Variants in MYO1E observed in about 807,000 individuals in gnomAD.
MYO1E encodes the protein unconventional myosin-Ie.
A neutral mutation model predicts 151.1 loss-of-function variants in MYO1E; 68 were observed. That is an observed-to-expected ratio of 0.45 (90% CI 0.37 to 0.55). The LOEUF (loss-of-function observed/expected upper bound fraction) is 0.55. Ranked by LOEUF, MYO1E falls within the 20% of genes least tolerant of loss-of-function variation. MYO1E has a pLI of 0.00. For missense variants in MYO1E, 1,363 were observed against 1,389.3 expected (o/e 0.98, Z 0.30); for synonymous variants, 601 against 501.7 (o/e 1.20, Z -2.64).
intron 1 of MYO1E, among the ~76,000 whole-genome samples, chr15:59,273,032 A>C (rs1406738838): frequency 3.3e-5 from 5 of 152,224 alleles, no homozygotes; most frequent in Non-Finnish European, 7.3e-5. Flanking sequence ...CATACGTGTA[A>C]TACTGGCTTT....
At chr15:59,186,488 C>T (rs142294020) in intron 18 of MYO1E, among the ~76,000 whole-genome samples, 21 of 151,958 alleles carry the variant, frequency 1.4e-4, no homozygotes, top group East Asian at 1.2e-3. Context: ...CAGTTTGACG[C>T]GGTGTGGTCG....
intron 1 of MYO1E, among the ~76,000 whole-genome samples, chr15:59,338,707 C>G (rs1025562118): frequency 6.6e-6 from 1 of 151,486 alleles, no homozygotes; most frequent in Non-Finnish European, 1.5e-5. Context: ...CCTTGAAAAC[C>G]CATTTGGGTA....
chr15:59,294,414 T>C (rs1267220580), intron 1 of MYO1E, among the ~76,000 whole-genome samples: 2 of 152,176 alleles, frequency 1.3e-5, no homozygotes, highest in African/African-American at 4.8e-5. Context: ...TCCAAATAGA[T>C]TTGGACAAAG....
chr15:59,258,244 G>A (rs1596388042), intron 3 of MYO1E, among the ~76,000 whole-genome samples: 2 of 152,368 alleles, frequency 1.3e-5, no homozygotes, highest in East Asian at 1.9e-4. Flanking sequence ...CTACTCAGGA[G>A]GCTGAGGCAG....
At chr15:59,296,832 CTTTT>C (rs1440195991) in intron 1 of MYO1E, among the ~76,000 whole-genome samples, 8 of 143,490 alleles carry the variant, frequency 5.6e-5, no homozygotes, top group Non-Finnish European at 9.1e-5. Context: ...AATTCACATA[CTTTT>C]TTCTTTTTTT....
chr15:59,349,583 T>C (rs116232862), intron 1 of MYO1E, among the ~76,000 whole-genome samples: 3,913 of 152,232 alleles, frequency 0.026, 122 homozygotes, highest in African/African-American at 0.066. Flanking sequence ...AAGCAAACTA[T>C]CCTGCCCAAA....
At chr15:59,208,553 G>A in intron 14 of MYO1E, 128 bp downstream of exon 14, 4 of 1,181,712 alleles carry the variant, frequency 3.4e-6, no homozygotes, top group Non-Finnish European at 5.0e-6. Context: ...TGCTTCCTTT[G>A]ATAGTTAATA....
chr15:59,216,141 C>T (rs2079912769), intron 10 of MYO1E, among the ~76,000 whole-genome samples: 1 of 152,152 alleles, frequency 6.6e-6, no homozygotes, highest in South Asian at 2.1e-4. Context: ...AAATACAGAT[C>T]TTTTGGATTG....
chr15:59,340,726 T>C (rs1377330553), intron 1 of MYO1E, among the ~76,000 whole-genome samples: 1 of 152,102 alleles, frequency 6.6e-6, no homozygotes, highest in Non-Finnish European at 1.5e-5. Flanking sequence ...TCAGGAAGGA[T>C]TTAAGAAAAA....
At position 59,350,780 on chromosome 15, in the gene MYO1E, C is replaced by G. The variant is rs28669109; in HGVS notation, c.3+21718G>C. Reference sequence around the variant, plus strand: ...ACATAGTTTAGTCACAAATAAATAACTCTATGGTAAGGGCCACAATTTGGA... The same window carrying G: ...ACATAGTTTAGTCACAAATAAATAAGTCTATGGTAAGGGCCACAATTTGGA... On this transcript the variant is annotated intron_variant, in intron 1 of 27. Transcript: ENST00000288235. The surrounding 1 kb of genome is among the most constrained non-coding windows in gnomAD (Gnocchi z 5.0). Among the ~76,000 whole-genome samples, 1,878 of 152,288 alleles carry G rather than the reference C, an allele frequency of 0.012. 39 individuals are homozygous for G. The highest frequency in any genetic ancestry group is 0.042 in the African/African-American group (1,745 of 41,544).
rs144646527 is a variant in MYO1E, at chr15:59,137,111, G to A, written c.*269C>T. On this transcript the variant is annotated 3_prime_UTR_variant, in exon 28 of 28. Transcript: ENST00000288235. ...CAGACCTCACTTGTCCTCTCACCAG[G>A]TTTAAATACAATAAATAAATCTTAA... The A allele has an allele frequency of 7.0e-4, 346 of 495,314 alleles. 2 individuals carry two copies. The highest frequency in any genetic ancestry group is 6.2e-3 in the African/African-American group (318 of 51,558). The allele number at this position is 495,314 out of a possible 1,614,324, so 30.7% of individuals were successfully genotyped here.
chr15:59,139,307 T>G (rs1280506541), intron 26 of MYO1E, among the ~76,000 whole-genome samples: 1 of 57,664 alleles, frequency 1.7e-5, no homozygotes, highest in Non-Finnish European at 3.0e-5. Context: ...CCCACCCCCC[T>G]CATTCCTCCT....
chr15:59,224,631 C>T, intron 8 of MYO1E, 58 bp downstream of exon 8: 2 of 1,611,494 alleles, frequency 1.2e-6, no homozygotes, highest in South Asian at 1.1e-5. Flanking sequence ...GCCCTTTTGG[C>T]CACAGGAAAT....
chr15:59,280,461 C>T (rs746852011), intron 1 of MYO1E, among the ~76,000 whole-genome samples: 1 of 151,898 alleles, frequency 6.6e-6, no homozygotes, highest in Non-Finnish European at 1.5e-5. Context: ...CCCGTCCCTG[C>T]TAAAAATACA....
chr15:59,233,985 T>C lies in MYO1E; in HGVS notation c.421-2194A>G, dbSNP rs57648545. On this transcript the variant is annotated intron_variant, in intron 5 of 27. Transcript: ENST00000288235. ...AAATAATACTGTTTTAAAAAGTAAT[T>C]TCCTTTTTCTCTTTTTACTTCTTTT... is the stretch of plus-strand genomic sequence containing the variant. Among the ~76,000 whole-genome samples the C allele has an allele frequency of 5.8e-3, 876 of 152,286 alleles. 7 individuals carry two copies. The highest frequency in any genetic ancestry group is 0.02 in the African/African-American group (819 of 41,540).
intron 1 of MYO1E, among the ~76,000 whole-genome samples, chr15:59,314,691 G>C (rs928297263): frequency 1.2e-4 from 19 of 152,164 alleles, no homozygotes; most frequent in Non-Finnish European, 2.5e-4. Flanking sequence ...TTGGTGGTCA[G>C]ACTGAGGAGG....
chr15:59,294,911 T>C (rs1407205199), intron 1 of MYO1E, among the ~76,000 whole-genome samples: 1 of 152,158 alleles, frequency 6.6e-6, no homozygotes, highest in African/African-American at 2.4e-5. Flanking sequence ...TTCAATCTAG[T>C]CCATCCTTGA....
intron 1 of MYO1E, among the ~76,000 whole-genome samples, chr15:59,324,283 G>T (rs1253776702): frequency 1.3e-5 from 2 of 152,038 alleles, no homozygotes; most frequent in African/African-American, 4.8e-5. Context: ...CATCCGTTAA[G>T]AGAGAATATG....
intron 7 of MYO1E, among the ~76,000 whole-genome samples, chr15:59,225,803 C>A (rs576852009): frequency 6.6e-6 from 1 of 152,150 alleles, no homozygotes; most frequent in East Asian, 1.9e-4. Flanking sequence ...CCCACCACCA[C>A]GGCCAGCTAA....
Sources: gnomAD v4.1 joint callset for allele counts (sites outside exome capture counted in the v4.1 genomes callset) on GRCh38, gnomAD v4.1.1 for gene constraint, Gnocchi (gnomAD v3.1) non-coding constraint, MANE v1.5 for transcripts, NCBI Gene and HGNC (gene_info 2026-07-23, HGNC 2026-07-21) for gene names.